The following TNXB variants were observed in gnomAD, a reference collection of about 807,000 sequenced individuals.
The protein encoded by TNXB is tenascin-X.
In TNXB, 183 loss-of-function variants were observed where a neutral mutation model predicts 340.5. The ratio of observed to expected loss-of-function variants is 0.54; its 90% CI spans 0.48 to 0.61. The LOEUF (loss-of-function observed/expected upper bound fraction) is 0.61. Among genes scored for constraint, TNXB ranks in the 20% least tolerant of loss-of-function variants. The pLI, the probability that TNXB is intolerant of heterozygous loss-of-function variation, is 0.00. For synonymous variants in TNXB, 2,121 were observed against 2,314.5 expected, an observed-to-expected ratio of 0.92 and a Z score of 2.40; for missense variants, 4,613 against 5,446.4, an observed-to-expected ratio of 0.85 and a Z score of 4.82.
Position 32,046,530 on chromosome 6 carries a change from G to A in TNXB, c.10325-74C>T, listed in dbSNP as rs2151888012. On this transcript the variant is annotated intron_variant, in intron 30 of 43. Transcript: ENST00000644971. This position sits in a 1 kb window ranked among gnomAD's most constrained non-coding sequence, Gnocchi z 6.9. Reference sequence around the variant, plus strand: ...TAAGCCCTGGCAGCCTCCCGGAGGTGTGAGGTTCTGGGAAATGGTCCCTCC... The same window carrying A: ...TAAGCCCTGGCAGCCTCCCGGAGGTATGAGGTTCTGGGAAATGGTCCCTCC... 1 of 1,367,806 alleles carries A rather than the reference G, an allele frequency of 7.3e-7. No individual in the cohort carries two copies. 84.7% of individuals were successfully genotyped at this position (1,367,806 alleles called of 1,614,324 possible).
rs377386505 is a variant in TNXB at position 32,049,390 on chromosome 6, T to C, written c.9637A>G (p.Arg3213Gly). 90 of 1,612,476 alleles carry C rather than the reference T, an allele frequency of 5.6e-5. No homozygotes were observed. Among genetic ancestry groups the C allele is most frequent in the East Asian group, 2.9e-4 (13 of 44,880 alleles). Reference sequence around the variant, plus strand: ...ACGGTGACCTCGCTCTCCTCGCCCCTGACACGCACCACCTGGGGCTGCCCG... The same window carrying C: ...ACGGTGACCTCGCTCTCCTCGCCCCCGACACGCACCACCTGGGGCTGCCCG... ...RDGQPQVVRV[R>G]GEESEVTVGG... The change falls in exon 28 of 44, where the codon AGG (arginine) becomes GGG (glycine). Residue 3213 changes from arginine (R) to glycine (G), a missense_variant. By Grantham distance (125) the Arg-to-Gly change is moderately radical. Transcript: ENST00000644971. This position sits in a 1 kb window ranked among gnomAD's most constrained non-coding sequence, Gnocchi z 4.5.
At chr6:32,060,635 T>C (rs1777950350) in intron 21 of TNXB, among the ~76,000 whole-genome samples, 1 of 151,952 alleles carries the variant, frequency 6.6e-6, no homozygotes, top group African/African-American at 2.4e-5. Context: ...TTACAAAAAT[T>C]TGGGCTCCTT....
chr6:32,056,484 G>T (rs1232261377), intron 23 of TNXB, 102 bp downstream of exon 23: 5 of 1,520,292 alleles, frequency 3.3e-6, no homozygotes, highest in Non-Finnish European at 4.4e-6. Flanking sequence ...CAGGTCTGTG[G>T]TGCTGACCGG....
At position 32,052,601 on chromosome 6, in the gene TNXB, G is replaced by A. The variant is rs1466745606; in HGVS notation, c.9115+69C>T. ...AATACTCTTCAGAGTATGTTTTCAC[G>A]AAGACTGGAGAGACAGCAGTGTCTT... On this transcript the variant is annotated intron_variant, in intron 26 of 43. Transcript: ENST00000644971. This position sits in a 1 kb window ranked among gnomAD's most constrained non-coding sequence, Gnocchi z 4.7. The A allele has an allele frequency of 3.3e-5, 51 of 1,565,616 alleles. No individual in the cohort carries two copies. The Middle Eastern group carries it at 1.2e-3, about 36-fold the overall frequency.
In TNXB at chr6:32,055,849, A is replaced by G; in HGVS notation, c.8467+2T>C. ...CCATCTTCCTCACTCACAAACACTCACCTGTCACACCCACGGTGGACACCG... is the reference window on the plus strand; with the variant it reads ...CCATCTTCCTCACTCACAAACACTCGCCTGTCACACCCACGGTGGACACCG... On this transcript the variant is annotated splice_donor_variant, in intron 24 of 43. Transcript: ENST00000644971. LOFTEE classifies it high-confidence loss of function. 1.2e-6 allele frequency: 2 copies of G among 1,608,208 alleles called. No homozygotes were observed. The highest frequency in any genetic ancestry group is 1.7e-6 in the Non-Finnish European group (2 of 1,175,948).
Position 32,050,277 on chromosome 6 carries a change from T to C in TNXB, c.9160A>G (p.Thr3054Ala), listed in dbSNP as rs1777199493. ...AETTQAVPTM[T>A]PEPPIKPRLG... is the part of the protein sequence containing the mutation. The stretch of plus-strand genomic sequence containing the variant: ...CGAGGCTTGATGGGGGGCTCAGGGG[T>C]CATGGTAGGCACTGCTTGGGTGGTC... The change falls in exon 27 of 44, where the codon ACC becomes GCC. Residue 3054 changes from threonine (T) to alanine (A), a missense_variant. By Grantham distance (58) the Thr-to-Ala change is moderately conservative (BLOSUM62 0). Around this residue, in one of 7 missense-constraint regions of TNXB, gnomAD observed 4,327 missense variants for 4,859.4 expected, o/e 0.89. Coordinates refer to ENST00000644971, the MANE Select transcript of TNXB (RefSeq NM_001365276.2). The C allele has an allele frequency of 2.5e-6, 4 of 1,613,014 alleles. No individual in the cohort carries two copies. Among genetic ancestry groups the C allele is most frequent in the Non-Finnish European group, 3.4e-6 (4 of 1,179,768 alleles).
intron 28 of TNXB, 80 bp from the exon 29 acceptor site, chr6:32,048,730 G>T: frequency 7.6e-7 from 1 of 1,311,408 alleles, no homozygotes; most frequent in Non-Finnish European, 9.8e-7. Flanking sequence ...GGACTGGAGT[G>T]AGCATTTCTT....
rs754633417 is a variant in TNXB at position 32,046,316 on chromosome 6, G to C, written c.10465C>G (p.Gln3489Glu). ...GCGGCCACAGGCACTGCCCTGGGCTGCCCGTCCGTGTCCCTGTACTGGACC... is the reference window on the plus strand; with the variant it reads ...GCGGCCACAGGCACTGCCCTGGGCTCCCCGTCCGTGTCCCTGTACTGGACC... ...FVVQYRDTDG[Q>E]PRAVPVAADQ... Residue 3489 changes from glutamine to glutamate, a missense_variant, in exon 31 of 44, where the codon CAG becomes GAG. Coordinates refer to ENST00000644971, the MANE Select transcript of TNXB (RefSeq NM_001365276.2). The surrounding 1 kb of genome is among the most constrained non-coding windows in gnomAD (Gnocchi z 6.9). 2 of 1,606,538 alleles carry C rather than the reference G, an allele frequency of 1.2e-6. No individual in the cohort carries two copies. Among genetic ancestry groups the C allele is most frequent in the Non-Finnish European group, 8.5e-7 (1 of 1,178,142 alleles).
chr6:32,056,217 A>G (rs1408174794), intron 23 of TNXB, 43 bp from the exon 24 acceptor site: 15 of 1,586,974 alleles, frequency 9.5e-6, no homozygotes, highest in Non-Finnish European at 1.2e-5. Flanking sequence ...TGCCTGGGGG[A>G]TGTGCTCAGG....
chr6:32,095,338 G>A (rs1212156499), intron 3 of TNXB, 147 bp from the exon 4 acceptor site: 4 of 729,786 alleles, frequency 5.5e-6, no homozygotes, highest in South Asian at 1.8e-5. Flanking sequence ...AGGGCTGAAC[G>A]GGGCTTGGAT....
intron 24 of TNXB, among the ~76,000 whole-genome samples, chr6:32,055,534 C>A (rs1024680768): frequency 9.2e-5 from 14 of 152,128 alleles, no homozygotes; most frequent in Non-Finnish European, 1.3e-4. Flanking sequence ...ACAGAGAAAG[C>A]ACACTACCAG....
intron 4 of TNXB, 92 bp downstream of exon 4, chr6:32,094,984 C>T (rs1004847824): frequency 9.2e-7 from 1 of 1,085,178 alleles, no homozygotes; most frequent in African/African-American, 1.6e-5. Flanking sequence ...CTGGACTCAA[C>T]CAATGATCAC....
In TNXB at chr6:32,064,948, C is replaced by T. The variant is rs748649516; in HGVS notation, c.6714G>A (p.Val2238=). The T allele has an allele frequency of 6.2e-7, 1 of 1,612,866 alleles. No individual in the cohort carries two copies. The highest frequency in any genetic ancestry group is 1.1e-5 in the South Asian group (1 of 91,082). Residue 2238 remains valine, a synonymous_variant, in exon 19 of 44, where the codon GTG becomes GTA. Transcript: ENST00000644971. The surrounding 1 kb of genome is among the most constrained non-coding windows in gnomAD (Gnocchi z 5.3). ...FKNGDGQPKA[V]RVPGHEDGVT... Reference sequence around the variant, plus strand: ...CCCCATCCTCGTGTCCCGGCACCCGCACCGCCTTGGGCTGCCCGTCCCCAT... The same window carrying T: ...CCCCATCCTCGTGTCCCGGCACCCGTACCGCCTTGGGCTGCCCGTCCCCAT...
rs1206260841 is a variant in TNXB, at chr6:32,086,130, C to T, written c.2780-12G>A. On this transcript the variant is annotated splice_polypyrimidine_tract_variant and intron_variant, in intron 6 of 43. Transcript: ENST00000644971. ...CAAGGGTGAGGACCCTGGGAAGGGG[C>T]AGGGTGAGAAAAAGAGGAGAGTCCA... 6.7e-7 allele frequency: 1 copy of T among 1,482,606 alleles called. No homozygotes were observed. The highest frequency in any genetic ancestry group is 9.0e-7 in the Non-Finnish European group (1 of 1,114,338). 91.8% of individuals were successfully genotyped at this position (1,482,606 alleles called of 1,614,324 possible).
At chr6:32,095,566 C>A in intron 3 of TNXB, 45 bp downstream of exon 3, 2 of 1,575,114 alleles carry the variant, frequency 1.3e-6, no homozygotes, top group Non-Finnish European at 1.7e-6. Context: ...CTCCTGTTCA[C>A]AGAATCACAG....
rs56937479 is a variant in TNXB at position 32,067,125 on chromosome 6, A to G, written c.6544+536T>C. 7.6e-6 allele frequency among the ~76,000 whole-genome samples: 1 copy of G among 131,238 alleles called. No individual in the cohort carries two copies. The highest frequency in any genetic ancestry group is 1.6e-5 in the Non-Finnish European group (1 of 63,156). 86.1% of individuals were successfully genotyped at this position (131,238 alleles called of 152,430 possible). ...AGAAAGAAAGAAAGAGAAAGAAAGA[A>G]AGGAAGGAAGAAAGAAAGAAAGAAA... On this transcript the variant is annotated intron_variant, in intron 18 of 43. Transcript: ENST00000644971. The surrounding 1 kb of genome is among the most constrained non-coding windows in gnomAD (Gnocchi z 4.2).
intron 1 of TNXB, among the ~76,000 whole-genome samples, chr6:32,106,181 A>G: frequency 6.7e-6 from 1 of 149,880 alleles, no homozygotes; most frequent in Non-Finnish European, 1.5e-5. Context: ...CTTGATCTGG[A>G]TGACGGTTAC....
intron 1 of TNXB, among the ~76,000 whole-genome samples, chr6:32,103,591 T>C (rs1257930322): frequency 6.6e-6 from 1 of 152,128 alleles, no homozygotes; most frequent in African/African-American, 2.4e-5. Flanking sequence ...CAATCCACTC[T>C]ACTCCCTCCA....
rs553978663 is a variant in TNXB, at chr6:32,046,642, C to T, written c.10325-186G>A. 1.9e-6 allele frequency: 1 copy of T among 517,774 alleles called. No individual in the cohort carries two copies. The highest frequency in any genetic ancestry group is 3.3e-6 in the Non-Finnish European group (1 of 300,874). The allele number at this position is 517,774 out of a possible 1,614,324, so 32.1% of individuals were successfully genotyped here. A position where few individuals can be genotyped will look rare whatever the true frequency, so the allele number is the denominator to read the frequency against. ...AGGAATGAGGGAGAACAGCCCCCTC[C>T]TCCTCTGGAGGCTGCTGCCCAAACT... On this transcript the variant is annotated intron_variant, in intron 30 of 43. Coordinates refer to ENST00000644971, the MANE Select transcript of TNXB (RefSeq NM_001365276.2). The surrounding 1 kb of genome is among the most constrained non-coding windows in gnomAD (Gnocchi z 6.9).
Sources: gnomAD v4.1 joint callset for allele counts (sites outside exome capture counted in the v4.1 genomes callset) on GRCh38, gnomAD v4.1.1 for gene constraint, gnomAD v4.1.1 regional missense constraint, Gnocchi (gnomAD v3.1) non-coding constraint, MANE v1.5 for transcripts, NCBI Gene and HGNC (gene_info 2026-07-23, HGNC 2026-07-21) for gene names.